Variants in FMN2 observed in about 807,000 individuals in gnomAD.
FMN2 encodes formin 2.
FMN2 carries 51 observed loss-of-function variants against 142.3 expected under a neutral mutation model. The observed-to-expected ratio is 0.36, with a 90% CI of 0.29 to 0.45. The LOEUF (loss-of-function observed/expected upper bound fraction) is 0.45, where lower values mean the gene tolerates loss of function less well. Ranked by LOEUF, FMN2 falls within the 20% of genes least tolerant of loss-of-function variation. The pLI is 1.00. For synonymous variants in FMN2, 882 were observed against 869.8 expected (o/e 1.01, Z -0.25); for missense variants, 1,936 against 2,122.8 (o/e 0.91, Z 1.73).
intron 8 of FMN2, among the ~76,000 whole-genome samples, chr1:240,317,305 T>TAAAAAAAAAAA (rs374121506): frequency 0.063 from 9,134 of 145,998 alleles, 373 homozygotes; most frequent in South Asian, 0.11. Flanking sequence ...AGACTCCATC[T>TAAAAAAAAAAA]AAAAAGAAAA....
intron 4 of FMN2, among the ~76,000 whole-genome samples, chr1:240,200,265 G>C (rs6690882): frequency 0.25 from 38,040 of 151,992 alleles, 5,136 homozygotes; most frequent in Middle Eastern, 0.36. Context: ...TTGCTTAAAT[G>C]GCAAGAAAAT....
chr1:240,341,276 T>G (rs1353714396), intron 13 of FMN2: 1 of 152,218 alleles, frequency 6.6e-6, no homozygotes, highest in African/African-American at 2.4e-5. Flanking sequence ...AAAAATATAT[T>G]AAAGTCCTTT....
In FMN2 at chr1:240,446,930, G is replaced by C. The variant is rs371188387; in HGVS notation, c.5060+8720G>C. On this transcript the variant is annotated intron_variant, in intron 16 of 17. Coordinates refer to ENST00000319653, the MANE Select transcript of FMN2 (RefSeq NM_020066.5). ...TCACACACTACCCCTGTTCCCATTA[G>C]GGGGAGTGGAGCTTTAGAAAAATGG... Among the ~76,000 whole-genome samples, 14 of 152,202 alleles carry C rather than the reference G, an allele frequency of 9.2e-5. No homozygotes were observed. The South Asian group carries it at 2.9e-3, about 32-fold the overall frequency.
chr1:240,277,367 A>C (rs964990993), intron 7 of FMN2, among the ~76,000 whole-genome samples: 2 of 151,364 alleles, frequency 1.3e-5, no homozygotes, highest in African/African-American at 4.9e-5. Context: ...TAAGACCAGC[A>C]GGTCTAAACT....
chr1:240,429,651 T>C (rs147617257), intron 15 of FMN2, among the ~76,000 whole-genome samples: 3 of 152,366 alleles, frequency 2.0e-5, no homozygotes, highest in African/African-American at 7.2e-5. Context: ...GCATGGACTT[T>C]TATAAGTGGA....
Position 240,398,112 on chromosome 1 carries a change from C to T in FMN2, c.4910+5550C>T, listed in dbSNP as rs145683360. ...CCAGATTCAGACAATTCTCATTCCT[C>T]AGCCTCCCCAGTAGCTAGAATTACA... On this transcript the variant is annotated intron_variant, in intron 15 of 17. Coordinates refer to ENST00000319653, the MANE Select transcript of FMN2 (RefSeq NM_020066.5). Among the ~76,000 whole-genome samples the T allele has an allele frequency of 5.3e-5, 8 of 152,002 alleles. No individual in the cohort carries two copies. In the East Asian group the frequency reaches 9.7e-4, roughly 18 times the overall value.
chr1:240,434,760 G>C (rs938500724), intron 15 of FMN2, among the ~76,000 whole-genome samples: 2 of 145,942 alleles, frequency 1.4e-5, no homozygotes, highest in African/African-American at 5.1e-5. Flanking sequence ...TTTTAGTAGA[G>C]ACGGGGTTTC....
intron 16 of FMN2, 71 bp from the exon 17 acceptor site, chr1:240,472,301 C>T (rs1676837470): frequency 2.2e-5 from 23 of 1,066,238 alleles, no homozygotes; most frequent in Non-Finnish European, 3.1e-5. Context: ...GAGGTTTGCT[C>T]ACTTACTATA....
In FMN2 at chr1:240,092,628, A is replaced by T; in HGVS notation, c.519A>T (p.Gln173His). 10 of 1,614,038 alleles carry T rather than the reference A, an allele frequency of 6.2e-6. No individual in the cohort carries two copies. Among genetic ancestry groups the T allele is most frequent in the African/African-American group, 2.7e-5 (2 of 75,028 alleles). Residue 173 changes from glutamine to histidine, a missense_variant, in exon 1 of 18, where the codon CAA becomes CAT. Around this residue, in one of 8 missense-constraint regions of FMN2, gnomAD observed 751 missense variants for 791.8 expected, o/e 0.95. Transcript: ENST00000319653. ...VETAAGAQDG[Q>H]RTSSGSDTDI... ...CTGCAGCAGGGGCGCAGGATGGACA[A>T]AGGACCAGCTCGGGCTCGGACACGG...
chr1:240,315,223 G>C (rs992928703), intron 8 of FMN2, among the ~76,000 whole-genome samples: 1 of 152,182 alleles, frequency 6.6e-6, no homozygotes. Flanking sequence ...ATATAAGGTA[G>C]AGGTTTTTGA....
At chr1:240,342,376 G>A (rs574364019) in intron 13 of FMN2, among the ~76,000 whole-genome samples, 4 of 152,242 alleles carry the variant, frequency 2.6e-5, no homozygotes, top group African/African-American at 9.6e-5. Flanking sequence ...TTCAAAAACT[G>A]CTTAGGATGG....
intron 14 of FMN2, among the ~76,000 whole-genome samples, chr1:240,369,919 G>A (rs1278742388): frequency 6.6e-6 from 1 of 152,150 alleles, no homozygotes; most frequent in African/African-American, 2.4e-5. Context: ...CCCATGATGG[G>A]TAAGGGATTC....
rs1000860085 is a variant in FMN2, at chr1:240,224,493, A to G, written c.4065+13258A>G. On this transcript the variant is annotated intron_variant, in intron 6 of 17. Coordinates refer to ENST00000319653, the MANE Select transcript of FMN2 (RefSeq NM_020066.5). ...GGGGTGGAGAGTTCTGTAGATGTCT[A>G]TTAGGTCCACTTGGTCCTAATAGGA... 9.9e-5 allele frequency among the ~76,000 whole-genome samples: 15 copies of G among 152,118 alleles called. No homozygotes were observed. In the East Asian group the frequency reaches 1.4e-3, roughly 14 times the overall value.
At chr1:240,377,561 T>TA (rs1375432589) in intron 14 of FMN2, among the ~76,000 whole-genome samples, 1 of 152,164 alleles carries the variant, frequency 6.6e-6, no homozygotes, top group African/African-American at 2.4e-5. Flanking sequence ...TGCCTTTTTT[T>TA]AGACTCTAGA....
chr1:240,189,166 T>C (rs1665603188), intron 4 of FMN2, among the ~76,000 whole-genome samples: 1 of 96,078 alleles, frequency 1.0e-5, no homozygotes, highest in Non-Finnish European at 2.1e-5. Context: ...CTAAAATGGA[T>C]TTCTTATTAA....
At chr1:240,365,566 CTATT>C (rs200404173) in intron 14 of FMN2, among the ~76,000 whole-genome samples, 4 of 152,088 alleles carry the variant, frequency 2.6e-5, no homozygotes, top group Admixed American at 1.3e-4. Flanking sequence ...TATTCATACA[CTATT>C]TATGTGAGAC....
chr1:240,122,079 T>TTAATTAATTAATTAATTAATTAATTA (rs34680769), intron 1 of FMN2, among the ~76,000 whole-genome samples: 7 of 123,754 alleles, frequency 5.7e-5, no homozygotes, highest in South Asian at 2.5e-4. Flanking sequence ...TTAATTAATT[T>TTAATTAATTAATTAATTAATTAATTA]ATTTATTTAT....
chr1:240,351,386 C>T (rs763112937), intron 13 of FMN2, among the ~76,000 whole-genome samples: 2 of 152,078 alleles, frequency 1.3e-5, no homozygotes, highest in Non-Finnish European at 2.9e-5. Flanking sequence ...GTTTCATGAC[C>T]TTCTAGAAGG....
At chr1:240,279,505 C>T (rs981387362) in intron 7 of FMN2, among the ~76,000 whole-genome samples, 1 of 152,114 alleles carries the variant, frequency 6.6e-6, no homozygotes, top group African/African-American at 2.4e-5. Flanking sequence ...AGTGTGAGGA[C>T]AGCACAGTAA....
Sources: allele counts gnomAD v4.1 joint callset (sites outside exome capture counted in the v4.1 genomes callset), GRCh38; gene constraint gnomAD v4.1.1; regional missense constraint gnomAD v4.1.1; transcripts MANE v1.5; gene names NCBI Gene and HGNC (gene_info 2026-07-23, HGNC 2026-07-21).